ERBB4: variants seen among roughly 807,000 people sequenced by gnomAD.
ERBB4 encodes the protein receptor tyrosine-protein kinase erbB-4.
A neutral mutation model predicts 158.0 loss-of-function variants in ERBB4; 42 were observed. That is an observed-to-expected ratio of 0.27 (90% CI 0.21 to 0.34). The LOEUF is 0.34. Ranked by LOEUF, ERBB4 falls within the 10% of genes least tolerant of loss-of-function variation. ERBB4 has a pLI of 1.00. For missense variants in ERBB4, 1,333 were observed against 1,624.1 expected (o/e 0.82, Z 3.08); for synonymous variants, 583 against 558.7 (o/e 1.04, Z -0.61).
At chr2:211,841,010 G>A (rs1163482701) in intron 3 of ERBB4, among the ~76,000 whole-genome samples, 2 of 151,932 alleles carry the variant, frequency 1.3e-5, no homozygotes, top group African/African-American at 4.8e-5. Context: ...TATGTGCTTA[G>A]ATTAGTCAAT....
At chr2:212,083,082 A>G (rs894633021) in intron 2 of ERBB4, among the ~76,000 whole-genome samples, 1 of 152,080 alleles carries the variant, frequency 6.6e-6, no homozygotes, top group African/African-American at 2.4e-5. Context: ...ACTTAGGTAC[A>G]CGGAGAAAAG....
At chr2:211,486,611 G>C (rs1020872630) in intron 20 of ERBB4, among the ~76,000 whole-genome samples, 3 of 151,804 alleles carry the variant, frequency 2.0e-5, no homozygotes, top group Non-Finnish European at 4.4e-5. Flanking sequence ...CGGAGCCTTG[G>C]CTTTGATTTT....
chr2:211,759,994 A>G (rs1023281482), intron 4 of ERBB4, among the ~76,000 whole-genome samples: 3 of 152,232 alleles, frequency 2.0e-5, no homozygotes, highest in Non-Finnish European at 4.4e-5. Flanking sequence ...CCAAAATTCA[A>G]TTAACTATTT....
chr2:211,810,388 T>C (rs2076722150), intron 3 of ERBB4, among the ~76,000 whole-genome samples: 1 of 152,182 alleles, frequency 6.6e-6, no homozygotes, highest in Non-Finnish European at 1.5e-5. Flanking sequence ...ATTGGGTGCA[T>C]ATATATTTAG....
At chr2:212,297,241 T>C (rs1221398685) in intron 1 of ERBB4, among the ~76,000 whole-genome samples, 1 of 152,032 alleles carries the variant, frequency 6.6e-6, no homozygotes, top group African/African-American at 2.4e-5. Flanking sequence ...GATTATCCAA[T>C]AAAACAGTTT....
chr2:212,130,687 T>A (rs1224436536), intron 1 of ERBB4, among the ~76,000 whole-genome samples: 1 of 152,132 alleles, frequency 6.6e-6, no homozygotes, highest in Admixed American at 6.5e-5. Flanking sequence ...TTGCGAGATA[T>A]CAGTTTATCA....
At chr2:212,396,725 T>C (rs562823651) in intron 1 of ERBB4, among the ~76,000 whole-genome samples, 1 of 152,182 alleles carries the variant, frequency 6.6e-6, no homozygotes, top group Non-Finnish European at 1.5e-5. Context: ...ATTATTCTAA[T>C]ATGTATTATA....
intron 20 of ERBB4, among the ~76,000 whole-genome samples, chr2:211,558,502 T>C (rs2067298026): frequency 6.6e-6 from 1 of 152,180 alleles, no homozygotes; most frequent in Non-Finnish European, 1.5e-5. Context: ...AAAGCAACAT[T>C]CACAGATTCT....
chr2:212,151,877 T>C (rs992121857), intron 1 of ERBB4, among the ~76,000 whole-genome samples: 6 of 152,090 alleles, frequency 3.9e-5, no homozygotes, highest in Middle Eastern at 3.4e-3. Flanking sequence ...AATATTTTTT[T>C]AAGATGGGCC....
intron 1 of ERBB4, among the ~76,000 whole-genome samples, chr2:212,442,919 C>T (rs2092283435): frequency 6.6e-6 from 1 of 152,210 alleles, no homozygotes; most frequent in African/African-American, 2.4e-5. Context: ...TCAGCTCTCC[C>T]ATTTGACCAG....
chr2:211,484,355 G>A (rs2065153748), intron 20 of ERBB4, among the ~76,000 whole-genome samples: 1 of 151,984 alleles, frequency 6.6e-6, no homozygotes, highest in Non-Finnish European at 1.5e-5. Context: ...TAGCAAGATG[G>A]TAGATCTAAA....
intron 1 of ERBB4, among the ~76,000 whole-genome samples, chr2:212,320,864 G>T (rs1293993066): frequency 6.7e-6 from 1 of 150,080 alleles, no homozygotes; most frequent in Non-Finnish European, 1.5e-5. Flanking sequence ...TGTAAAGCAT[G>T]ACATCAATAT....
chr2:211,478,357 T>C (rs1233630980), intron 20 of ERBB4, among the ~76,000 whole-genome samples: 9 of 152,186 alleles, frequency 5.9e-5, no homozygotes. Context: ...TTAATGTCTC[T>C]ATATTCAAAG....
intron 7 of ERBB4, among the ~76,000 whole-genome samples, chr2:211,717,620 A>G (rs1449489708): frequency 6.6e-6 from 1 of 152,150 alleles, no homozygotes; most frequent in Non-Finnish European, 1.5e-5. Flanking sequence ...AACTGAGGTC[A>G]GGAGTTCAAG....
chr2:211,947,408 C>T (rs778666683), intron 3 of ERBB4, 22 bp downstream of exon 3: 1 of 1,595,744 alleles, frequency 6.3e-7, no homozygotes, highest in Non-Finnish European at 8.6e-7. Flanking sequence ...AGCATATTTG[C>T]CATTTTGGAT....
intron 3 of ERBB4, among the ~76,000 whole-genome samples, chr2:211,908,525 A>T (rs1398242536): frequency 6.6e-6 from 1 of 151,788 alleles, no homozygotes; most frequent in East Asian, 2.0e-4. Context: ...AAAATCACAG[A>T]CATAGCTTAT....
chr2:211,727,774 A>T (rs1223204252), intron 5 of ERBB4, among the ~76,000 whole-genome samples: 2 of 152,024 alleles, frequency 1.3e-5, no homozygotes, highest in Non-Finnish European at 2.9e-5. Context: ...TTAATTAATT[A>T]TTCTCTATGT....
At chr2:212,253,749 A>C (rs2084625241) in intron 1 of ERBB4, among the ~76,000 whole-genome samples, 1 of 152,206 alleles carries the variant, frequency 6.6e-6, no homozygotes, top group South Asian at 2.1e-4. Context: ...GTAGTTAAGT[A>C]AAGTCATATG....
rs1346322133 is a variant in ERBB4 at position 211,381,904 on chromosome 2, ATTGATGTGAGGCCCCCTTT to A, written c.*1692_*1710del. On this transcript the variant is annotated 3_prime_UTR_variant, in exon 28 of 28. Coordinates refer to ENST00000342788, the MANE Select transcript of ERBB4 (RefSeq NM_005235.3). ...CGACTTATATCTAAGTTTCCTAATTATTGATGTGAGGCCCCCTTTACTTGGAGACTCATCTCTGTCATTT... is the reference window on the plus strand; with the variant it reads ...CGACTTATATCTAAGTTTCCTAATTAACTTGGAGACTCATCTCTGTCATTT... 1.0e-4 allele frequency: 24 copies of A among 229,510 alleles called. No individual in the cohort carries two copies. The highest frequency in any genetic ancestry group is 1.7e-4 in the Non-Finnish European group (20 of 115,810). 14.2% of individuals were successfully genotyped at this position (229,510 alleles called of 1,614,324 possible).
Sources: gnomAD v4.1 joint callset for allele counts (sites outside exome capture counted in the v4.1 genomes callset) on GRCh38, gnomAD v4.1.1 for gene constraint, MANE v1.5 for transcripts, NCBI Gene and HGNC (gene_info 2026-07-23, HGNC 2026-07-21) for gene names.